The following OTOA variants were observed in gnomAD, a reference collection of about 807,000 sequenced individuals.
OTOA encodes the protein otoancorin.
In OTOA, 70 loss-of-function variants were observed where a neutral mutation model predicts 110.8. The ratio of observed to expected loss-of-function variants is 0.63; its 90% CI spans 0.52 to 0.77. The LOEUF (loss-of-function observed/expected upper bound fraction) is 0.77, where lower values mean the gene tolerates loss of function less well. OTOA is among the 30% of genes least tolerant of loss of function. The pLI, the probability that OTOA is intolerant of heterozygous loss-of-function variation, is 0.00. For synonymous variants in OTOA, 373 were observed against 431.5 expected (o/e 0.86, Z 1.68); for missense variants, 917 against 1,075.8 (o/e 0.85, Z 2.06).
intron 22 of OTOA, among the ~76,000 whole-genome samples, chr16:21,736,908 C>A (rs1186288891): frequency 6.6e-6 from 1 of 152,304 alleles, no homozygotes; most frequent in Non-Finnish European, 1.5e-5. Flanking sequence ...AGGTTTAATG[C>A]GTGAATATGT....
chr16:21,706,704 A>G (rs1474805476), intron 12 of OTOA, among the ~76,000 whole-genome samples: 3 of 152,100 alleles, frequency 2.0e-5, no homozygotes, highest in Non-Finnish European at 2.9e-5. Context: ...TGAAAATAAT[A>G]TTAAATGAAA....
At chr16:21,723,618 G>A (rs1448443073) in intron 18 of OTOA, among the ~76,000 whole-genome samples, 1 of 152,130 alleles carries the variant, frequency 6.6e-6, no homozygotes, top group Non-Finnish European at 1.5e-5. Context: ...TTGGTTGAAA[G>A]CAACAGAACT....
In OTOA at chr16:21,726,615, C is replaced by G; in HGVS notation, c.1973C>G (p.Ser658Cys). The G allele has an allele frequency of 6.2e-7, 1 of 1,614,018 alleles. No homozygotes were observed. Among genetic ancestry groups the G allele is most frequent in the Non-Finnish European group, 8.5e-7 (1 of 1,179,994 alleles). ...KSWLDSLVLD[S>C]HKKTSVLRKV... ...TGGTTGGACTCCTTGGTTTTAGATT[C>G]CCACAAAAAGACTTCAGTCCTCAGG... is the stretch of plus-strand genomic sequence containing the variant. The change falls in exon 19 of 29, where the codon TCC becomes TGC. Residue 658 changes from serine (S) to cysteine (C), a missense_variant. Ser to Cys is a moderately radical substitution (Grantham distance 112). Coordinates refer to ENST00000646100, the MANE Select transcript of OTOA (RefSeq NM_144672.4).
intron 21 of OTOA, among the ~76,000 whole-genome samples, chr16:21,734,331 T>G (rs992508421): frequency 6.7e-6 from 1 of 149,370 alleles, no homozygotes; most frequent in Non-Finnish European, 1.5e-5. Context: ...GAGAACACGT[T>G]GTCACATAGA....
chr16:21,737,425 A>AG, intron 22 of OTOA, among the ~76,000 whole-genome samples: 1 of 152,274 alleles, frequency 6.6e-6, no homozygotes, highest in Non-Finnish European at 1.5e-5. Context: ...GGGTTTCACA[A>AG]TGTTGGCCAG....
chr16:21,698,535 T>C (rs1897988772), intron 10 of OTOA, among the ~76,000 whole-genome samples: 1 of 151,962 alleles, frequency 6.6e-6, no homozygotes, highest in African/African-American at 2.4e-5. Flanking sequence ...GCTTCCAATT[T>C]TTCTTCTTCT....
rs571911901 is a variant in OTOA, at chr16:21,671,497, G to A, written c.-4-7014G>A. On this transcript the variant is annotated intron_variant, in intron 1 of 28. Coordinates refer to ENST00000646100, the MANE Select transcript of OTOA (RefSeq NM_144672.4). Reference sequence around the variant, plus strand: ...AGCTACTCAGGAGGCTGAGGCAGAAGAATCGCTTGAACCTGGGAAGCAGAG... The same window carrying A: ...AGCTACTCAGGAGGCTGAGGCAGAAAAATCGCTTGAACCTGGGAAGCAGAG... Among the ~76,000 whole-genome samples the A allele has an allele frequency of 2.1e-5, 3 of 145,860 alleles. No individual in the cohort carries two copies. In the South Asian group the frequency reaches 6.4e-4, roughly 31 times the overall value.
intron 21 of OTOA, among the ~76,000 whole-genome samples, chr16:21,731,623 T>C (rs776149107): frequency 6.6e-6 from 1 of 152,200 alleles, no homozygotes; most frequent in Non-Finnish European, 1.5e-5. Flanking sequence ...TGGCACGCTG[T>C]CACTTCTGCC....
chr16:21,713,505 T>G (rs1205223588), intron 13 of OTOA, among the ~76,000 whole-genome samples: 1 of 152,164 alleles, frequency 6.6e-6, no homozygotes, highest in Non-Finnish European at 1.5e-5. Context: ...GAACACTTAC[T>G]ATGTGCCAGG....
In OTOA at chr16:21,691,622, C is replaced by G; in HGVS notation, c.674C>G (p.Ala225Gly). Residue 225 changes from alanine (A) to glycine (G), a missense_variant, in exon 9 of 29, where the codon GCT (alanine) becomes GGT (glycine). By Grantham distance (60) the Ala-to-Gly change is moderately conservative. This residue lies in a region of OTOA where 840 missense variants were observed against 910.2 expected (regional missense o/e 0.92). Transcript: ENST00000646100. ...VFKDLYDKTS[A>G]HSQRALYSWM... is the part of the protein sequence containing the mutation. ...AAAGATCTCTACGACAAAACCTCGG[C>G]TCATTCCCAGAGAGCTCTCTATTCC... The G allele has an allele frequency of 6.2e-7, 1 of 1,613,986 alleles. No individual in the cohort carries two copies. The highest frequency in any genetic ancestry group is 8.5e-7 in the Non-Finnish European group (1 of 1,179,922).
chr16:21,707,655 T>TTCTTTCTTTCTTTC (rs1391942283), intron 12 of OTOA, among the ~76,000 whole-genome samples: 34 of 100,362 alleles, frequency 3.4e-4, no homozygotes, highest in African/African-American at 1.1e-3. Flanking sequence ...CTTTCTTTCT[T>TTCTTTCTTTCTTTC]TCTCTTTCTT....
chr16:21,697,822 A>G lies in OTOA; in HGVS notation c.787A>G (p.Arg263Gly). ...VSAEHLWVLG[R>G]YMVHLSFEEI... The stretch of plus-strand genomic sequence containing the variant: ...TGCGGAACACTTATGGGTTTTGGGC[A>G]GATACATGGTTCACCTATCGTTTGA... The change falls in exon 10 of 29, where the codon AGA (arginine) becomes GGA (glycine). Residue 263 changes from arginine to glycine, a missense_variant. Coordinates refer to ENST00000646100, the MANE Select transcript of OTOA (RefSeq NM_144672.4). 1 of 1,614,136 alleles carries G rather than the reference A, an allele frequency of 6.2e-7. No individual in the cohort carries two copies. The highest frequency in any genetic ancestry group is 8.5e-7 in the Non-Finnish European group (1 of 1,180,004).
intron 12 of OTOA, 68 bp downstream of exon 12, chr16:21,705,360 A>C: frequency 6.2e-7 from 1 of 1,609,938 alleles, no homozygotes; most frequent in Non-Finnish European, 8.5e-7. Context: ...TGGGGAGAAC[A>C]GCCTAGCTTA....
chr16:21,705,035 C>A, intron 11 of OTOA, 134 bp from the exon 12 acceptor site: 1 of 1,412,300 alleles, frequency 7.1e-7, no homozygotes, highest in Non-Finnish European at 1.0e-6. Flanking sequence ...TGAGGATGTT[C>A]AGGTTATGTG....
At chr16:21,719,101 C>T (rs1898643043) in intron 15 of OTOA, 32 bp from the exon 16 acceptor site, 1 of 1,599,946 alleles carries the variant, frequency 6.3e-7, no homozygotes, top group South Asian at 1.1e-5. Context: ...CTGAGTGTGC[C>T]ATCAGTGCTA....
rs968008319 is a variant in OTOA, at chr16:21,687,605, G to A, written c.592G>A (p.Glu198Lys). Residue 198 changes from glutamate to lysine, a missense_variant, in exon 8 of 29, where the codon GAG becomes AAG. Around this residue, in one of 6 missense-constraint regions of OTOA, gnomAD observed 840 missense variants for 910.2 expected, o/e 0.92. Coordinates refer to ENST00000646100, the MANE Select transcript of OTOA (RefSeq NM_144672.4). The stretch of plus-strand genomic sequence containing the variant: ...GAGCTTTCTCCAGCCAGACATCACA[G>A]AGCGGCTCCCTCGGGACCTGCGCGA... ...SGSFLQPDIT[E>K]RLPRDLREDA... 9 of 1,613,784 alleles carry A rather than the reference G, an allele frequency of 5.6e-6. No individual in the cohort carries two copies. The highest frequency in any genetic ancestry group is 7.6e-6 in the Non-Finnish European group (9 of 1,179,974).
intron 17 of OTOA, chr16:21,721,465 C>T (rs1276209952): frequency 2.2e-6 from 1 of 456,106 alleles, no homozygotes; most frequent in South Asian, 1.5e-5. Context: ...CAACATCCTA[C>T]AATGCGTAGG....
At chr16:21,705,377 G>A (rs1898142159) in intron 12 of OTOA, 85 bp downstream of exon 12, 1 of 1,602,238 alleles carries the variant, frequency 6.2e-7, no homozygotes, top group Non-Finnish European at 8.5e-7. Flanking sequence ...CTTAGCCTTT[G>A]GGAGAAAACA....
At chr16:21,684,550 C>T (rs764130349) in intron 6 of OTOA, 1 of 1,549,224 alleles carries the variant, frequency 6.5e-7, no homozygotes. Flanking sequence ...CTACAGGGAC[C>T]AGGCAGGCCA....
Sources: allele counts gnomAD v4.1 joint callset (sites outside exome capture counted in the v4.1 genomes callset), GRCh38; gene constraint gnomAD v4.1.1; regional missense constraint gnomAD v4.1.1; transcripts MANE v1.5; gene names NCBI Gene and HGNC (gene_info 2026-07-23, HGNC 2026-07-21).